Variants in CLNK observed in about 807,000 individuals in gnomAD.
CLNK encodes cytokine dependent hematopoietic cell linker.
Under a neutral mutation model 68.6 loss-of-function variants are expected in CLNK, and 74 were observed. The ratio of observed to expected loss-of-function variants is 1.08; its 90% CI spans 0.89 to 1.31. The LOEUF (loss-of-function observed/expected upper bound fraction) is 1.31. CLNK is among the 50% of genes most tolerant of loss of function. The pLI, the probability that CLNK is intolerant of heterozygous loss-of-function variation, is 0.00. For missense variants in CLNK, 553 were observed against 515.3 expected (o/e 1.07, Z -0.71); for synonymous variants, 198 against 172.2 (o/e 1.15, Z -1.17).
chr4:10,608,654 G>T (rs953950928), intron 2 of CLNK, among the ~76,000 whole-genome samples: 1 of 152,216 alleles, frequency 6.6e-6, no homozygotes, highest in African/African-American at 2.4e-5. Flanking sequence ...TTACTGAACT[G>T]TGTTGAAATC....
Position 10,597,882 on chromosome 4 carries a change from A to C in CLNK, c.83+96T>G, listed in dbSNP as rs1232004708. The C allele has an allele frequency of 4.5e-5, 37 of 830,224 alleles. No individual in the cohort carries two copies. Among genetic ancestry groups the C allele is most frequent in the Non-Finnish European group, 6.5e-5 (33 of 510,730 alleles). 51.4% of individuals were successfully genotyped at this position (830,224 alleles called of 1,614,324 possible). A position where few individuals can be genotyped will look rare whatever the true frequency, so the allele number is the denominator to read the frequency against. ...CCTCTAAGTCACTACAGGTCATTCCATCACATTGACAATTTTCGTGTTTGT... is the reference window on the plus strand; with the variant it reads ...CCTCTAAGTCACTACAGGTCATTCCCTCACATTGACAATTTTCGTGTTTGT... On this transcript the variant is annotated intron_variant, in intron 3 of 18. Coordinates refer to ENST00000226951, the MANE Select transcript of CLNK (RefSeq NM_052964.4).
chr4:10,546,527 A>C (rs1041488094), intron 8 of CLNK, among the ~76,000 whole-genome samples: 16 of 152,188 alleles, frequency 1.1e-4, no homozygotes, highest in African/African-American at 3.6e-4. Context: ...CTATATTTCT[A>C]TCAGCATTCT....
At chr4:10,496,616 A>G (rs1440539747) in intron 18 of CLNK, among the ~76,000 whole-genome samples, 2 of 152,124 alleles carry the variant, frequency 1.3e-5, no homozygotes, top group Non-Finnish European at 2.9e-5. Context: ...CGGGTGAGGG[A>G]TTGCTTGTAT....
rs1163265019 is a variant in CLNK at position 10,486,585 on chromosome 4, T to C, written c.*3882A>G. 1 of 152,168 alleles carries C rather than the reference T, an allele frequency of 6.6e-6. No homozygotes were observed. Among genetic ancestry groups the C allele is most frequent in the Non-Finnish European group, 1.5e-5 (1 of 68,038 alleles). 9.4% of individuals were successfully genotyped at this position (152,168 alleles called of 1,614,324 possible). Reference sequence around the variant, plus strand: ...ATACATAATTGGCTACATTCGACAATGGGGTTCATTTGATTCCTCCGTAGT... The same window carrying C: ...ATACATAATTGGCTACATTCGACAACGGGGTTCATTTGATTCCTCCGTAGT... On this transcript the variant is annotated 3_prime_UTR_variant, in exon 19 of 19. Transcript: ENST00000226951.
At chr4:10,615,367 G>A (rs1170282047) in intron 2 of CLNK, among the ~76,000 whole-genome samples, 1 of 152,102 alleles carries the variant, frequency 6.6e-6, no homozygotes, top group South Asian at 2.1e-4. Context: ...TATAATCCCA[G>A]ATACTTGGGA....
At chr4:10,722,860 G>C in the CLNK span, among the ~76,000 whole-genome samples, 3 of 152,162 alleles carry the variant, frequency 2.0e-5, no homozygotes, top group Admixed American at 2.0e-4. Context: ...GACCAGCCTG[G>C]CCAGCATGGC....
chr4:10,605,994 T>C (rs1721773917), intron 2 of CLNK, among the ~76,000 whole-genome samples: 1 of 152,120 alleles, frequency 6.6e-6, no homozygotes, highest in Admixed American at 6.5e-5. Context: ...TACACTACTG[T>C]AGGCTTTGGA....
At chr4:10,646,797 C>G (rs888147301) in intron 2 of CLNK, among the ~76,000 whole-genome samples, 2 of 152,062 alleles carry the variant, frequency 1.3e-5, no homozygotes, top group African/African-American at 2.4e-5. Context: ...CTTAACTATT[C>G]ATTATCCCTT....
chr4:10,599,285 G>T (rs1259106313), intron 2 of CLNK, among the ~76,000 whole-genome samples: 1 of 152,130 alleles, frequency 6.6e-6, no homozygotes, highest in African/African-American at 2.4e-5. Flanking sequence ...ACTTTATGAT[G>T]ACTTGAGGCT....
At chr4:10,651,086 T>C (rs1322113081) in intron 2 of CLNK, among the ~76,000 whole-genome samples, 1 of 152,176 alleles carries the variant, frequency 6.6e-6, no homozygotes, top group Admixed American at 6.5e-5. Context: ...ATAGGGACGC[T>C]CTTACACTGT....
chr4:10,700,155 A>C, the CLNK span, among the ~76,000 whole-genome samples: 5 of 152,298 alleles, frequency 3.3e-5, no homozygotes, highest in African/African-American at 1.2e-4. Flanking sequence ...CTATGGAATA[A>C]GGCATAATGA....
chr4:10,639,979 T>C (rs1199799196), intron 2 of CLNK, among the ~76,000 whole-genome samples: 2 of 152,234 alleles, frequency 1.3e-5, no homozygotes, highest in Non-Finnish European at 2.9e-5. Context: ...TGGGCTTTGT[T>C]TCCCTAGACC....
Position 10,513,508 on chromosome 4 carries a change from A to G in CLNK, c.862T>C (p.Tyr288His), listed in dbSNP as rs200918238. The G allele has an allele frequency of 7.2e-5, 116 of 1,612,102 alleles. 1 individual carries two copies. In the East Asian group the frequency reaches 2.5e-3, roughly 35 times the overall value. The stretch of plus-strand genomic sequence containing the variant: ...GGGAAAGGTGGTCTCCAGCTTGTGT[A>G]TTTATAGGGCAGTATATTTTCGTGA... ...SPHENILPYK[Y>H]TSWRPPFPKR... The change falls in exon 16 of 19, where the codon TAC (tyrosine) becomes CAC (histidine). Residue 288 changes from tyrosine (Y) to histidine (H), a missense_variant. By Grantham distance (83) the Tyr-to-His change is moderately conservative (BLOSUM62 2). Coordinates refer to ENST00000226951, the MANE Select transcript of CLNK (RefSeq NM_052964.4).
chr4:10,734,015 T>C, the CLNK span, among the ~76,000 whole-genome samples: 2 of 152,248 alleles, frequency 1.3e-5, no homozygotes, highest in East Asian at 3.8e-4. Context: ...TTCTCTTCTT[T>C]TTCCTTTGGA....
At chr4:10,616,543 A>G (rs1284735490) in intron 2 of CLNK, among the ~76,000 whole-genome samples, 12 of 152,164 alleles carry the variant, frequency 7.9e-5, no homozygotes, top group Admixed American at 7.2e-4. Flanking sequence ...ACTCATTAAT[A>G]CAAAGGAAAA....
intron 2 of CLNK, among the ~76,000 whole-genome samples, chr4:10,600,640 C>T (rs1721558339): frequency 6.6e-6 from 1 of 152,172 alleles, no homozygotes; most frequent in South Asian, 2.1e-4. Context: ...ACCCTGCCTG[C>T]TTGCAGGAAT....
chr4:10,649,952 T>G (rs1255238607), intron 2 of CLNK, among the ~76,000 whole-genome samples: 1 of 152,172 alleles, frequency 6.6e-6, no homozygotes, highest in Non-Finnish European at 1.5e-5. Flanking sequence ...CAGGATTAGC[T>G]GTTCAGTCTA....
chr4:10,711,652 G>A, the CLNK span, among the ~76,000 whole-genome samples: 1 of 152,154 alleles, frequency 6.6e-6, no homozygotes, highest in African/African-American at 2.4e-5. Flanking sequence ...ATTAGTGGTG[G>A]AGGAGTGTCC....
At position 10,509,471 on chromosome 4, in the gene CLNK, C is replaced by T. The variant is rs530384755; in HGVS notation, c.907-1435G>A. On this transcript the variant is annotated intron_variant, in intron 16 of 18. Coordinates refer to ENST00000226951, the MANE Select transcript of CLNK (RefSeq NM_052964.4). Reference sequence around the variant, plus strand: ...CTGGAATCCCTCCTGGTCCTCACCTCTGCCTACCCAGCTCAGGCATTCTTT... The same window carrying T: ...CTGGAATCCCTCCTGGTCCTCACCTTTGCCTACCCAGCTCAGGCATTCTTT... Among the ~76,000 whole-genome samples the T allele has an allele frequency of 2.6e-5, 4 of 152,064 alleles. No homozygotes were observed. The East Asian group carries it at 7.7e-4, about 29-fold the overall frequency.
Sources: allele counts gnomAD v4.1 joint callset (sites outside exome capture counted in the v4.1 genomes callset), GRCh38; gene constraint gnomAD v4.1.1; transcripts MANE v1.5; gene names NCBI Gene and HGNC (gene_info 2026-07-23, HGNC 2026-07-21).